TP63: variants seen among roughly 807,000 people sequenced by gnomAD.
TP63 encodes tumor protein p63, also known as tumor protein 63.
A neutral mutation model predicts 82.8 loss-of-function variants in TP63; 17 were observed. The ratio of observed to expected loss-of-function variants is 0.21; its 90% CI spans 0.14 to 0.31. The LOEUF is 0.31. TP63 is among the 10% of genes least tolerant of loss of function. The pLI is 1.00. For missense variants in TP63, 648 were observed against 895.3 expected (o/e 0.72, Z 3.52); for synonymous variants, 330 against 321.7 (o/e 1.03, Z -0.28).
intron 3 of TP63, among the ~76,000 whole-genome samples, chr3:189,754,121 C>T (rs1203014177): frequency 6.6e-6 from 1 of 152,062 alleles, no homozygotes. Context: ...TACCATTTTG[C>T]CTGGACATCA....
chr3:189,637,740 C>G (rs574323416), intron 1 of TP63, among the ~76,000 whole-genome samples: 1 of 152,036 alleles, frequency 6.6e-6, no homozygotes, highest in Non-Finnish European at 1.5e-5. Context: ...ATAATAGTCT[C>G]GAAAGATAGC....
At chr3:189,698,616 T>C (rs1245666869) in intron 1 of TP63, among the ~76,000 whole-genome samples, 1 of 152,172 alleles carries the variant, frequency 6.6e-6, no homozygotes, top group East Asian at 1.9e-4. Context: ...AGGCTAATAG[T>C]AAGATCTGTC....
chr3:189,612,762 G>C, the TP63 span, among the ~76,000 whole-genome samples: 20 of 151,992 alleles, frequency 1.3e-4, no homozygotes, highest in Non-Finnish European at 2.9e-4. Context: ...TAAAGTCCAC[G>C]CTGAGGTGGT....
intron 10 of TP63, among the ~76,000 whole-genome samples, chr3:189,879,893 C>G (rs989118435): frequency 6.6e-6 from 1 of 152,258 alleles, no homozygotes; most frequent in African/African-American, 2.4e-5. Context: ...TGAGAAGTCT[C>G]AGTAATTGTA....
At chr3:189,834,016 G>A (rs888237434) in intron 4 of TP63, among the ~76,000 whole-genome samples, 13 of 152,170 alleles carry the variant, frequency 8.5e-5, no homozygotes, top group Non-Finnish European at 1.6e-4. Context: ...GAAGTAGGAT[G>A]TATGTGAGCG....
At chr3:189,671,264 T>C (rs983103916) in intron 1 of TP63, among the ~76,000 whole-genome samples, 2 of 151,928 alleles carry the variant, frequency 1.3e-5, no homozygotes, top group East Asian at 1.9e-4. Context: ...CATACAAACT[T>C]ACAAAAAATA....
At chr3:189,841,879 C>G (rs1422155355) in intron 4 of TP63, among the ~76,000 whole-genome samples, 2 of 152,330 alleles carry the variant, frequency 1.3e-5, no homozygotes, top group African/African-American at 4.8e-5. Context: ...TTGGGTGCCA[C>G]TGCGTGAGGC....
chr3:189,618,402 G>T, the TP63 span, among the ~76,000 whole-genome samples: 1 of 152,130 alleles, frequency 6.6e-6, no homozygotes, highest in Admixed American at 6.5e-5. Context: ...CAGCACTCTT[G>T]TTGGCTGCCA....
chr3:189,738,010 T>C, intron 2 of TP63, 142 bp downstream of exon 2: 1 of 990,758 alleles, frequency 1.0e-6, no homozygotes, highest in Non-Finnish European at 1.5e-6. Flanking sequence ...ATGCCATCTC[T>C]TTGTTCAAAT....
In TP63 at chr3:189,790,018, T is replaced by A. The variant is rs971995687; in HGVS notation, c.325-18254T>A. 4.6e-5 allele frequency among the ~76,000 whole-genome samples: 7 copies of A among 151,974 alleles called. No homozygotes were observed. The East Asian group carries it at 5.8e-4, about 13-fold the overall frequency. The stretch of plus-strand genomic sequence containing the variant: ...GTGGTGGCTGTAAGATTTTTTTTTT[T>A]TTATTAAGTAGGAGATGAAACAGTA... On this transcript the variant is annotated intron_variant, in intron 3 of 13. Coordinates refer to ENST00000264731, the MANE Select transcript of TP63 (RefSeq NM_003722.5).
At chr3:189,693,192 C>T (rs574790458) in intron 1 of TP63, among the ~76,000 whole-genome samples, 1 of 152,210 alleles carries the variant, frequency 6.6e-6, no homozygotes, top group East Asian at 1.9e-4. Flanking sequence ...AATTTCATAT[C>T]TTATACTATT....
intron 1 of TP63, among the ~76,000 whole-genome samples, chr3:189,686,707 C>T (rs1716464531): frequency 8.2e-6 from 1 of 121,984 alleles, no homozygotes; most frequent in East Asian, 2.5e-4. Context: ...GAACTTTACT[C>T]AGGGGGTGGG....
At chr3:189,674,219 T>C (rs1238839778) in intron 1 of TP63, among the ~76,000 whole-genome samples, 1 of 152,124 alleles carries the variant, frequency 6.6e-6, no homozygotes, top group African/African-American at 2.4e-5. Flanking sequence ...GAAATTTCTT[T>C]TTCAAACAAA....
chr3:189,847,372 A>AATC (rs752897481), intron 4 of TP63, among the ~76,000 whole-genome samples: 5 of 141,564 alleles, frequency 3.5e-5, no homozygotes, highest in East Asian at 4.4e-4. Context: ...TAACAAAAAT[A>AATC]ATCATCATCA....
At chr3:189,747,676 T>C (rs553448401) in intron 3 of TP63, among the ~76,000 whole-genome samples, 1 of 151,450 alleles carries the variant, frequency 6.6e-6, no homozygotes, top group Non-Finnish European at 1.5e-5. Context: ...CTTAAGGAAA[T>C]GGAAACACAA....
chr3:189,858,649 C>G (rs535949393), intron 4 of TP63, among the ~76,000 whole-genome samples: 1 of 152,092 alleles, frequency 6.6e-6, no homozygotes, highest in African/African-American at 2.4e-5. Context: ...CATAGTAGTG[C>G]GCACCTGTAG....
chr3:189,812,111 TA>T (rs1164081799), intron 4 of TP63, among the ~76,000 whole-genome samples: 1 of 152,210 alleles, frequency 6.6e-6, no homozygotes, highest in Non-Finnish European at 1.5e-5. Flanking sequence ...AAAATATTTT[TA>T]GTACCATTTT....
At chr3:189,885,809 T>G (rs1043672948) in intron 10 of TP63, among the ~76,000 whole-genome samples, 1 of 152,216 alleles carries the variant, frequency 6.6e-6, no homozygotes, top group African/African-American at 2.4e-5. Flanking sequence ...TCCAGTAGGT[T>G]CTCTCATACA....
chr3:189,738,807 G>A lies in TP63; in HGVS notation c.324+33G>A, dbSNP rs763551134. On this transcript the variant is annotated intron_variant, in intron 3 of 13. Coordinates refer to ENST00000264731, the MANE Select transcript of TP63 (RefSeq NM_003722.5). ...GCACAGGCTTTCTCTTCAGTCTTTGGGCCATGCTATCTATAGCTCTGTTAA... is the reference window on the plus strand; with the variant it reads ...GCACAGGCTTTCTCTTCAGTCTTTGAGCCATGCTATCTATAGCTCTGTTAA... The A allele has an allele frequency of 8.7e-6, 14 of 1,612,546 alleles. No homozygotes were observed. In the South Asian group the frequency reaches 1.5e-4, roughly 18 times the overall value.
Sources: allele counts gnomAD v4.1 joint callset (sites outside exome capture counted in the v4.1 genomes callset), GRCh38; gene constraint gnomAD v4.1.1; transcripts MANE v1.5; gene names NCBI Gene and HGNC (gene_info 2026-07-23, HGNC 2026-07-21).